Variants in SUCO observed in about 807,000 individuals in gnomAD.
The protein encoded by SUCO is SUN domain containing ossification factor.
In SUCO, 57 loss-of-function variants were observed where a neutral mutation model predicts 148.1. That is an observed-to-expected ratio of 0.38 (90% CI 0.31 to 0.48). The LOEUF is 0.48. Among genes scored for constraint, SUCO ranks in the 20% least tolerant of loss-of-function variants. SUCO has a pLI of 0.96. For synonymous variants in SUCO, 470 were observed against 502.7 expected (o/e 0.93, Z 0.87); for missense variants, 1,331 against 1,468.2 (o/e 0.91, Z 1.53).
intron 23 of SUCO, among the ~76,000 whole-genome samples, chr1:172,609,042 G>A (rs1006343084): frequency 6.6e-6 from 1 of 152,048 alleles, no homozygotes; most frequent in Non-Finnish European, 1.5e-5. Context: ...AGAACAGCAT[G>A]CAAGAGAGAA....
At chr1:172,606,956 A>T (rs374757054) in intron 22 of SUCO, among the ~76,000 whole-genome samples, 6 of 151,784 alleles carry the variant, frequency 4.0e-5, no homozygotes, top group Non-Finnish European at 7.4e-5. Flanking sequence ...TACTGTTGCA[A>T]ATTTATTCAT....
At position 172,589,420 on chromosome 1, in the gene SUCO, C is replaced by A. The variant is rs755905985; in HGVS notation, c.2319C>A (p.Ile773=). 8 of 1,613,174 alleles carry A rather than the reference C, an allele frequency of 5.0e-6. No individual in the cohort carries two copies. The highest frequency in any genetic ancestry group is 6.8e-6 in the Non-Finnish European group (8 of 1,179,670). The change falls in exon 18 of 24, where the codon ATC becomes ATA. Residue 773 remains isoleucine, a synonymous_variant. Coordinates refer to ENST00000263688, the MANE Select transcript of SUCO (RefSeq NM_014283.5). ...PVIPQESSVE[I]DNETEQKSES... ...TTCCCCAAGAGAGTTCTGTTGAGAT[C>A]GATAATGAAACAGAACAAAAGTCTG...
At chr1:172,541,789 G>T in intron 1 of SUCO, 1 of 898,200 alleles carries the variant, frequency 1.1e-6, no homozygotes, top group Non-Finnish European at 1.3e-6. Flanking sequence ...ACAAAACAAA[G>T]TAACTGCTTT....
intron 18 of SUCO, 78 bp downstream of exon 18, chr1:172,590,004 G>A (rs1656523853): frequency 8.3e-7 from 1 of 1,205,680 alleles, no homozygotes; most frequent in Admixed American, 2.6e-5. Context: ...GTGATTACAG[G>A]AGAGGATTTA....
intron 19 of SUCO, among the ~76,000 whole-genome samples, chr1:172,596,521 G>A (rs1203866199): frequency 6.6e-6 from 1 of 152,228 alleles, no homozygotes; most frequent in Non-Finnish European, 1.5e-5. Context: ...ACCCTCAGCT[G>A]CAGGTCTGCT....
Position 172,585,875 on chromosome 1 carries a change from G to C in SUCO, c.1585G>C (p.Glu529Gln). Reference protein sequence around the residue: ...DLTEGNKSISENATATAAPKM... With the variant: ...DLTEGNKSISQNATATAAPKM... ...TAAAATAGGAAATAAAAGTATATCT[G>C]AGAATGCCACTGCCACAGCTGCACC... is the stretch of plus-strand genomic sequence containing the variant. Residue 529 changes from glutamate to glutamine, a missense_variant, in exon 17 of 24, where the codon GAG becomes CAG. Around this residue, in one of 3 missense-constraint regions of SUCO, gnomAD observed 992 missense variants for 1,093.5 expected, o/e 0.91. Transcript: ENST00000263688. 1 of 1,607,734 alleles carries C rather than the reference G, an allele frequency of 6.2e-7. No homozygotes were observed. The highest frequency in any genetic ancestry group is 8.5e-7 in the Non-Finnish European group (1 of 1,176,742).
intron 7 of SUCO, chr1:172,569,490 A>G: frequency 1.0e-6 from 1 of 982,358 alleles, no homozygotes; most frequent in Non-Finnish European, 1.2e-6. Context: ...GGTTTAAAAT[A>G]TTCTTTAACT....
intron 1 of SUCO, among the ~76,000 whole-genome samples, chr1:172,540,163 C>T (rs956484991): frequency 6.6e-6 from 1 of 152,192 alleles, no homozygotes; most frequent in African/African-American, 2.4e-5. Flanking sequence ...TGCCCAAGTT[C>T]TTACAGCCAG....
At chr1:172,577,679 G>A (rs1655551325) in intron 12 of SUCO, 85 bp from the exon 13 acceptor site, 3 of 1,574,530 alleles carry the variant, frequency 1.9e-6, no homozygotes, top group Middle Eastern at 1.7e-4. Context: ...GTTTAGAAAT[G>A]TTATAATGAA....
intron 6 of SUCO, among the ~76,000 whole-genome samples, chr1:172,562,103 G>A (rs1210162560): frequency 1.3e-5 from 2 of 152,046 alleles, no homozygotes; most frequent in East Asian, 3.9e-4. Context: ...AAGCTATACT[G>A]GAGGAAAACA....
In SUCO at chr1:172,591,032, C is replaced by A. The variant is rs554267635; in HGVS notation, c.2874C>A (p.Ile958=). The part of the protein sequence containing the change: ...EEMQKAFNKT[I]VKLQNTSRIA... ...TGCAAAAGGCTTTCAATAAAACAATCGTGAAACTTCAGAATACTTCAAGAA... is the reference window on the plus strand; with the variant it reads ...TGCAAAAGGCTTTCAATAAAACAATAGTGAAACTTCAGAATACTTCAAGAA... Residue 958 remains isoleucine, a synonymous_variant, in exon 19 of 24, where the codon ATC becomes ATA. Coordinates refer to ENST00000263688, the MANE Select transcript of SUCO (RefSeq NM_014283.5). The A allele has an allele frequency of 1.2e-6, 2 of 1,612,182 alleles. No individual in the cohort carries two copies. Among genetic ancestry groups the A allele is most frequent in the South Asian group, 2.2e-5 (2 of 90,822 alleles).
At chr1:172,544,080 A>G (rs1652694050) in intron 1 of SUCO, 1 of 609,740 alleles carries the variant, frequency 1.6e-6, no homozygotes, top group African/African-American at 2.0e-5. Flanking sequence ...GGATTTCAGT[A>G]AATTTTTTCA....
chr1:172,553,340 A>T lies in SUCO; in HGVS notation c.258A>T (p.Lys86Asn). The change falls in exon 3 of 24, where the codon AAA becomes AAT. Residue 86 changes from lysine to asparagine, a missense_variant. Coordinates refer to ENST00000263688, the MANE Select transcript of SUCO (RefSeq NM_014283.5). ...TACCTATTTCTCCAAAAGAACATAA[A>T]TTAAAAGATGATTCTATTGTGGATG... Reference protein sequence around the residue: ...SNLPISPKEHKLKDDSIVDVQ... With the variant: ...SNLPISPKEHNLKDDSIVDVQ... The T allele has an allele frequency of 6.2e-7, 1 of 1,604,074 alleles. No homozygotes were observed. The highest frequency in any genetic ancestry group is 8.5e-7 in the Non-Finnish European group (1 of 1,173,424).
In SUCO at chr1:172,553,414, CTACTT is replaced by C. The variant is rs548872769; in HGVS notation, c.288+48_288+52del. On this transcript the variant is annotated intron_variant, in intron 3 of 23. Coordinates refer to ENST00000263688, the MANE Select transcript of SUCO (RefSeq NM_014283.5). ...ATTTTCAATAATATGTCATTTCAAA[CTACTT>C]TACAAGATTGAAAACCTTTGGTCAC... 195 of 1,387,798 alleles carry C rather than the reference CTACTT, an allele frequency of 1.4e-4. No individual in the cohort carries two copies. In the African/African-American group the frequency reaches 1.5e-3, roughly 11 times the overall value. The allele number at this position is 1,387,798 out of a possible 1,614,324, so 86.0% of individuals were successfully genotyped here.
In SUCO at chr1:172,570,176, G is replaced by T. The variant is rs760329779; in HGVS notation, c.981+5G>T. The T allele has an allele frequency of 5.8e-6, 9 of 1,552,858 alleles. No homozygotes were observed. In the South Asian group the frequency reaches 7.5e-5, roughly 13 times the overall value. On this transcript the variant is annotated splice_donor_5th_base_variant and intron_variant, in intron 8 of 23. Coordinates refer to ENST00000263688, the MANE Select transcript of SUCO (RefSeq NM_014283.5). The stretch of plus-strand genomic sequence containing the variant: ...GCAGCTAATCCAGAAGCCAAGGTAG[G>T]TGTTTAAATATAAAATTTTGTATAT...
At position 172,570,215 on chromosome 1, in the gene SUCO, G is replaced by A. The variant is rs1654851593; in HGVS notation, c.981+44G>A. On this transcript the variant is annotated intron_variant, in intron 8 of 23. Coordinates refer to ENST00000263688, the MANE Select transcript of SUCO (RefSeq NM_014283.5). ...AATTTTGTATATATAGGAAATTAAC[G>A]ACTTTTTAAAATACAGGTTATTTGT... The A allele has an allele frequency of 2.4e-6, 3 of 1,235,948 alleles. No individual in the cohort carries two copies. The African/African-American group carries it at 4.7e-5, about 19-fold the overall frequency. 76.6% of individuals were successfully genotyped at this position (1,235,948 alleles called of 1,614,324 possible). A position where few individuals can be genotyped will look rare whatever the true frequency, so the allele number is the denominator to read the frequency against.
intron 9 of SUCO, among the ~76,000 whole-genome samples, chr1:172,572,689 T>A (rs1322860719): frequency 5.4e-5 from 2 of 37,236 alleles, no homozygotes; most frequent in South Asian, 7.6e-4. Flanking sequence ...CACCCAAGAA[T>A]GATCAATAAA....
At chr1:172,535,735 G>C (rs922228159) in intron 1 of SUCO, among the ~76,000 whole-genome samples, 2 of 152,044 alleles carry the variant, frequency 1.3e-5, no homozygotes, top group Non-Finnish European at 2.9e-5. Flanking sequence ...TTTCTGTTTT[G>C]TACATTGAGT....
intron 6 of SUCO, among the ~76,000 whole-genome samples, chr1:172,562,955 T>C (rs1654292096): frequency 6.6e-6 from 1 of 152,152 alleles, no homozygotes; most frequent in Non-Finnish European, 1.5e-5. Context: ...AAGTGTGTAG[T>C]GCTTACCCCT....
Sources: allele counts gnomAD v4.1 joint callset (sites outside exome capture counted in the v4.1 genomes callset), GRCh38; gene constraint gnomAD v4.1.1; regional missense constraint gnomAD v4.1.1; transcripts MANE v1.5; gene names NCBI Gene and HGNC (gene_info 2026-07-23, HGNC 2026-07-21).